Variants in SLC7A8 observed in about 807,000 individuals in gnomAD.
SLC7A8 encodes solute carrier family 7 member 8, also known as large neutral amino acids transporter small subunit 2.
SLC7A8 carries 30 observed loss-of-function variants against 51.2 expected under a neutral mutation model. The ratio of observed to expected loss-of-function variants is 0.59; its 90% CI spans 0.44 to 0.80. The LOEUF is 0.80. Ranked by LOEUF, SLC7A8 falls within the 30% of genes least tolerant of loss-of-function variation. The probability of loss-of-function intolerance (pLI) is 0.00; values close to 1 mark genes in which losing one functional copy is unlikely to be tolerated. For synonymous variants in SLC7A8, 257 were observed against 275.8 expected, an observed-to-expected ratio of 0.93 and a Z score of 0.67; for missense variants, 612 against 674.4, an observed-to-expected ratio of 0.91 and a Z score of 1.03.
At chr14:23,163,921 CT>C in intron 3 of SLC7A8, among the ~76,000 whole-genome samples, 1 of 152,006 alleles carries the variant, frequency 6.6e-6, no homozygotes, top group East Asian at 1.9e-4. Flanking sequence ...CCACAGAGAT[CT>C]TTTCCCCTTC....
At chr14:23,146,767 T>C (rs1258891029) in intron 3 of SLC7A8, 2 of 152,124 alleles carry the variant, frequency 1.3e-5, no homozygotes, top group African/African-American at 4.8e-5. Flanking sequence ...GATCATACCA[T>C]GTGACTGAGG....
At chr14:23,140,331 A>G in intron 5 of SLC7A8, 140 bp downstream of exon 5, 1 of 914,994 alleles carries the variant, frequency 1.1e-6, no homozygotes, top group Non-Finnish European at 1.6e-6. Context: ...GAAATGAACT[A>G]CGACTTCAGG....
Position 23,166,489 on chromosome 14 carries a change from T to C in SLC7A8, c.203A>G (p.Asn68Ser), listed in dbSNP as rs1269701041. 24 of 1,614,038 alleles carry C rather than the reference T, an allele frequency of 1.5e-5. No homozygotes were observed. The highest frequency in any genetic ancestry group is 1.9e-5 in the Non-Finnish European group (23 of 1,180,042). Residue 68 changes from asparagine to serine, a missense_variant, in exon 2 of 11, where the codon AAT (asparagine) becomes AGT (serine). Coordinates refer to ENST00000316902, the MANE Select transcript of SLC7A8 (RefSeq NM_012244.4). ...IFVSPKGVLE[N>S]AGSVGLALIV... ...GAGAGCAAGGCCCACAGAACCAGCATTCTCCAGCACTCCCTTTGGCGAGAC... is the reference window on the plus strand; with the variant it reads ...GAGAGCAAGGCCCACAGAACCAGCACTCTCCAGCACTCCCTTTGGCGAGAC...
Position 23,128,389 on chromosome 14 carries a change from AT to A in SLC7A8, c.1264-194del, listed in dbSNP as rs1166657873. ...GCTATATAAACAAATGTTGATGAAC[AT>A]GGTCGGTCAGACAGGAAGAGGATGG... On this transcript the variant is annotated intron_variant, in intron 9 of 10. Transcript: ENST00000316902. The surrounding 1 kb of genome is among the most constrained non-coding windows in gnomAD (Gnocchi z 4.3). 6.6e-7 allele frequency: 1 copy of A among 1,523,810 alleles called. No homozygotes were observed. Among genetic ancestry groups the A allele is most frequent in the Non-Finnish European group, 8.8e-7 (1 of 1,138,330 alleles). 94.4% of individuals were successfully genotyped at this position (1,523,810 alleles called of 1,614,324 possible).
intron 7 of SLC7A8, among the ~76,000 whole-genome samples, chr14:23,134,474 A>C (rs1233327226): frequency 2.0e-5 from 3 of 151,568 alleles, no homozygotes; most frequent in Non-Finnish European, 4.4e-5. Context: ...AAGATAAGGA[A>C]AAGGAAAAAA....
rs2048882401 is a variant in SLC7A8, at chr14:23,155,141, G to A, written c.508+10144C>T. 2.6e-6 allele frequency: 4 copies of A among 1,532,266 alleles called. No individual in the cohort carries two copies. In the African/African-American group the frequency reaches 5.5e-5, roughly 21 times the overall value. The allele number at this position is 1,532,266 out of a possible 1,614,324, so 94.9% of individuals were successfully genotyped here. On this transcript the variant is annotated intron_variant, in intron 3 of 10. Coordinates refer to ENST00000316902, the MANE Select transcript of SLC7A8 (RefSeq NM_012244.4). Reference sequence around the variant, plus strand: ...CGATAGTAACATTTCCCCTTCTCCAGCCCTTTTCATCTCGAAGCACTTACA... The same window carrying A: ...CGATAGTAACATTTCCCCTTCTCCAACCCTTTTCATCTCGAAGCACTTACA...
intron 9 of SLC7A8, 42 bp downstream of exon 9, chr14:23,129,608 C>T (rs1252655423): frequency 6.2e-7 from 1 of 1,605,392 alleles, no homozygotes; most frequent in South Asian, 1.1e-5. Flanking sequence ...CAGCTAGAAC[C>T]ATAGAGGAAG....
chr14:23,141,061 A>G (rs114569566), intron 4 of SLC7A8, among the ~76,000 whole-genome samples: 2,870 of 152,220 alleles, frequency 0.019, 98 homozygotes, highest in African/African-American at 0.065. Context: ...GGCAGAAGGA[A>G]TGCTTGAGGC....
At chr14:23,170,397 T>C (rs1221430852) in intron 1 of SLC7A8, among the ~76,000 whole-genome samples, 1 of 152,212 alleles carries the variant, frequency 6.6e-6, no homozygotes, top group African/African-American at 2.4e-5. Flanking sequence ...GAAAAGGCTT[T>C]TCTACTTTGA....
At chr14:23,155,478 A>G (rs976418156) in intron 3 of SLC7A8, 1 of 1,413,570 alleles carries the variant, frequency 7.1e-7, no homozygotes. Context: ...AGCTCAGCCA[A>G]GAGGCAGGAA....
rs143025407 is a variant in SLC7A8, at chr14:23,132,950, TA to T, written c.1017-1394del. Reference sequence around the variant, plus strand: ...TATGCCCAGCCTATGATCTGCTTTTTAAAAAAAAAATTGAGGCAGGGTCTTG... The same window carrying T: ...TATGCCCAGCCTATGATCTGCTTTTTAAAAAAAAATTGAGGCAGGGTCTTG... On this transcript the variant is annotated intron_variant, in intron 7 of 10. Coordinates refer to ENST00000316902, the MANE Select transcript of SLC7A8 (RefSeq NM_012244.4). Among the ~76,000 whole-genome samples the T allele has an allele frequency of 3.3e-5, 5 of 150,674 alleles. No individual in the cohort carries two copies. The East Asian group carries it at 7.8e-4, about 23-fold the overall frequency.
At chr14:23,182,739 G>T in intron 1 of SLC7A8, 25 bp downstream of exon 1, 1 of 1,526,948 alleles carries the variant, frequency 6.5e-7, no homozygotes. Context: ...GAGAGGAGGG[G>T]TCCGCGGGAA....
intron 1 of SLC7A8, among the ~76,000 whole-genome samples, chr14:23,176,735 A>G (rs1876937352): frequency 6.6e-6 from 1 of 152,118 alleles, no homozygotes; most frequent in African/African-American, 2.4e-5. Flanking sequence ...TGAGGTCAGG[A>G]GTTCGAGACT....
chr14:23,171,692 T>C (rs1423340124), intron 1 of SLC7A8, among the ~76,000 whole-genome samples: 1 of 152,192 alleles, frequency 6.6e-6, no homozygotes, highest in Non-Finnish European at 1.5e-5. Flanking sequence ...TTGTGTTTCT[T>C]CCACAAAGTG....
At position 23,179,513 on chromosome 14, in the gene SLC7A8, A is replaced by C. The variant is rs1448606072; in HGVS notation, c.151+3251T>G. ...AACTTTGCCACAGTCCCTGAAAAAAAAAAAAAGATCTGGGGGCCGGGCACG... is the reference window on the plus strand; with the variant it reads ...AACTTTGCCACAGTCCCTGAAAAAACAAAAAAGATCTGGGGGCCGGGCACG... On this transcript the variant is annotated intron_variant, in intron 1 of 10. Transcript: ENST00000316902. Among the ~76,000 whole-genome samples, 4 of 152,112 alleles carry C rather than the reference A, an allele frequency of 2.6e-5. 1 individual carries two copies. The highest frequency in any genetic ancestry group is 2.1e-4 in the South Asian group (1 of 4,804).
At chr14:23,127,882 G>A in intron 10 of SLC7A8, 137 bp downstream of exon 10, 1 of 740,720 alleles carries the variant, frequency 1.4e-6, no homozygotes, top group African/African-American at 1.8e-5. Context: ...CCCTGCTCTG[G>A]ACTCTTCCAG....
chr14:23,154,761 A>T (rs551470349), intron 3 of SLC7A8, among the ~76,000 whole-genome samples: 13 of 152,032 alleles, frequency 8.6e-5, no homozygotes, highest in Non-Finnish European at 1.8e-4. Context: ...GGTGTGGGGG[A>T]GTGGGCAGAC....
At chr14:23,142,866 G>T (rs1219674703) in intron 4 of SLC7A8, among the ~76,000 whole-genome samples, 1 of 152,100 alleles carries the variant, frequency 6.6e-6, no homozygotes, top group Non-Finnish European at 1.5e-5. Flanking sequence ...GGTGACCTTT[G>T]CAGCCTAAAG....
chr14:23,151,555 G>A (rs561672542), intron 3 of SLC7A8, among the ~76,000 whole-genome samples: 7 of 151,940 alleles, frequency 4.6e-5, no homozygotes, highest in East Asian at 1.9e-4. Flanking sequence ...CCAGAAGTTC[G>A]AGGCCAGCCT....
Sources: gnomAD v4.1 joint callset for allele counts (sites outside exome capture counted in the v4.1 genomes callset) on GRCh38, gnomAD v4.1.1 for gene constraint, Gnocchi (gnomAD v3.1) non-coding constraint, MANE v1.5 for transcripts, NCBI Gene and HGNC (gene_info 2026-07-23, HGNC 2026-07-21) for gene names.